Variants in COPG2 observed in about 807,000 individuals in gnomAD.
COPG2 encodes coat protein complex I subunit gamma 2, also known as coatomer subunit gamma-2.
A neutral mutation model predicts 46.3 loss-of-function variants in COPG2; 37 were observed. The observed-to-expected ratio is 0.80, with a 90% CI of 0.61 to 1.05. The LOEUF (loss-of-function observed/expected upper bound fraction) is 1.05, where lower values mean the gene tolerates loss of function less well. Ranked by LOEUF, COPG2 falls within the 50% of genes least tolerant of loss-of-function variation. COPG2 has a pLI of 0.00. For synonymous variants in COPG2, 159 were observed against 129.7 expected (o/e 1.23, Z -1.53); for missense variants, 427 against 387.8 (o/e 1.10, Z -0.85).
chr7:130,572,662 T>C (rs987333433), intron 9 of COPG2, among the ~76,000 whole-genome samples: 2 of 151,960 alleles, frequency 1.3e-5, no homozygotes, highest in Non-Finnish European at 2.9e-5. Context: ...ATATTTGAAG[T>C]TGAATGAAAA....
intron 5 of COPG2, among the ~76,000 whole-genome samples, chr7:130,643,181 G>A (rs1554457598): frequency 6.6e-6 from 1 of 151,514 alleles, no homozygotes; most frequent in African/African-American, 2.4e-5. Context: ...TGTAGTCCCA[G>A]CTACTCGGGA....
Position 130,559,353 on chromosome 7 carries a change from C to T in COPG2, c.1128+1680G>A, listed in dbSNP as rs1257090029. Among the ~76,000 whole-genome samples the T allele has an allele frequency of 1.1e-4, 16 of 152,210 alleles. No individual in the cohort carries two copies. The South Asian group carries it at 2.9e-3, about 28-fold the overall frequency. On this transcript the variant is annotated intron_variant, in intron 12 of 23. Coordinates refer to ENST00000425248, the MANE Select transcript of COPG2 (RefSeq NM_012133.6). ...CCACACCACCCCAGCTGCCAGGGGC[C>T]GGAGAACCCACTCACACACTGAGCT...
chr7:130,664,279 A>G (rs998270402), intron 3 of COPG2, among the ~76,000 whole-genome samples: 1 of 152,232 alleles, frequency 6.6e-6, no homozygotes. Context: ...TCTATTTGCC[A>G]TAGGTATAAG....
At position 130,520,478 on chromosome 7, in the gene COPG2, C is replaced by T. The variant is rs997231620; in HGVS notation, c.2150-11819G>A. On this transcript the variant is annotated intron_variant, in intron 20 of 23. Coordinates refer to ENST00000425248, the MANE Select transcript of COPG2 (RefSeq NM_012133.6). ...TATCACCAGCTATCTGCTCATACAG[C>T]CTAAATACTTGTTAATATGAAAAGA... Among the ~76,000 whole-genome samples, 8 of 152,262 alleles carry T rather than the reference C, an allele frequency of 5.3e-5. No homozygotes were observed. The East Asian group carries it at 1.3e-3, about 26-fold the overall frequency.
At chr7:130,530,226 G>A (rs1433188307) in intron 20 of COPG2, among the ~76,000 whole-genome samples, 1 of 152,136 alleles carries the variant, frequency 6.6e-6, no homozygotes, top group Non-Finnish European at 1.5e-5. Context: ...GGCTTGATGG[G>A]GAGCAGATGG....
At chr7:130,573,589 T>C (rs1554445796) in intron 9 of COPG2, among the ~76,000 whole-genome samples, 5 of 152,064 alleles carry the variant, frequency 3.3e-5, no homozygotes, top group African/African-American at 1.2e-4. Flanking sequence ...AAAAACCACA[T>C]AATCATCTTC....
chr7:130,512,208 C>A (rs1229737057), intron 20 of COPG2, among the ~76,000 whole-genome samples: 1 of 151,438 alleles, frequency 6.6e-6, no homozygotes, highest in African/African-American at 2.4e-5. Context: ...GTTAACTCTC[C>A]TTGTTAATAC....
chr7:130,627,671 AGTT>A (rs1255477772), intron 5 of COPG2, among the ~76,000 whole-genome samples: 147 of 149,228 alleles, frequency 9.9e-4, no homozygotes, highest in African/African-American at 3.2e-3. Context: ...TAATCTTTCT[AGTT>A]GTTGTTCCTG....
At chr7:130,632,417 A>T (rs1554455336) in intron 5 of COPG2, among the ~76,000 whole-genome samples, 1 of 152,162 alleles carries the variant, frequency 6.6e-6, no homozygotes, top group East Asian at 1.9e-4. Context: ...TAAGTGACTG[A>T]GAGCAGAGTC....
chr7:130,577,849 G>A (rs1157100833), intron 9 of COPG2, among the ~76,000 whole-genome samples: 3 of 148,562 alleles, frequency 2.0e-5, no homozygotes, highest in South Asian at 2.1e-4. Flanking sequence ...AGGGTCCTAC[G>A]CCCACGGAAT....
At chr7:130,625,392 C>G (rs182032636) in intron 5 of COPG2, among the ~76,000 whole-genome samples, 34 of 152,128 alleles carry the variant, frequency 2.2e-4, no homozygotes, top group African/African-American at 7.7e-4. Context: ...AACTTGGTTT[C>G]TCTTGCCTAA....
chr7:130,513,083 T>TGATACCAGCCTC (rs2116334558), intron 20 of COPG2, among the ~76,000 whole-genome samples: 1 of 151,462 alleles, frequency 6.6e-6, no homozygotes, highest in Admixed American at 6.6e-5. Flanking sequence ...GTCAGGAGTT[T>TGATACCAGCCTC]GATACCAGCC....
At position 130,561,086 on chromosome 7, in the gene COPG2, G is replaced by A. The variant is rs1041867404; in HGVS notation, c.1075C>T (p.Arg359Trp). The A allele has an allele frequency of 2.0e-5, 8 of 398,392 alleles. No homozygotes were observed. The highest frequency in any genetic ancestry group is 3.6e-5 in the East Asian group (1 of 28,082). 24.7% of individuals were successfully genotyped at this position (398,392 alleles called of 1,614,324 possible). ...AAAGAAGATATCTGCTTCATGAGCC[G>A]GTCCACACTGCTCTCACTTCCTGTT... ...LKTGSESSVD[R>W]LMKQISSFVS... The change falls in exon 12 of 24, where the codon CGG becomes TGG. Residue 359 changes from arginine (R) to tryptophan (W), a missense_variant. By Grantham distance (101) the Arg-to-Trp change is moderately radical. Coordinates refer to ENST00000425248, the MANE Select transcript of COPG2 (RefSeq NM_012133.6).
chr7:130,621,436 C>T (rs375799976), intron 5 of COPG2, among the ~76,000 whole-genome samples: 159 of 152,334 alleles, frequency 1.0e-3, no homozygotes, highest in African/African-American at 3.6e-3. Flanking sequence ...GATCTCCTCA[C>T]AACTACTCAA....
rs1367553746 is a variant in COPG2 at position 130,634,987 on chromosome 7, G to A, written c.323+17882C>T. The stretch of plus-strand genomic sequence containing the variant: ...GATAATCATGTGGTTTTTGTCATTG[G>A]CTCTGTTTATGTGATGGATTACATT... On this transcript the variant is annotated intron_variant, in intron 5 of 23. Transcript: ENST00000425248. 4.0e-5 allele frequency among the ~76,000 whole-genome samples: 6 copies of A among 150,846 alleles called. No individual in the cohort carries two copies. In the South Asian group the frequency reaches 6.4e-4, roughly 16 times the overall value.
At chr7:130,651,706 C>A (rs377321813) in intron 5 of COPG2, among the ~76,000 whole-genome samples, 90 of 150,756 alleles carry the variant, frequency 6.0e-4, no homozygotes, top group Non-Finnish European at 5.9e-4. Context: ...TTAGTAGAGA[C>A]GGGGTTTCAC....
intron 9 of COPG2, chr7:130,605,925 T>C: frequency 2.6e-6 from 1 of 379,408 alleles, no homozygotes; most frequent in South Asian, 2.1e-5. Context: ...TACCTGTAAG[T>C]GAAGTGTTAC....
chr7:130,617,967 G>A (rs183631233), intron 5 of COPG2, among the ~76,000 whole-genome samples: 2 of 151,766 alleles, frequency 1.3e-5, no homozygotes, highest in African/African-American at 2.4e-5. Flanking sequence ...CTGGTGTTGT[G>A]GGGTGTGCCT....
chr7:130,549,856 C>T (rs1372444024), intron 17 of COPG2, among the ~76,000 whole-genome samples: 2 of 151,902 alleles, frequency 1.3e-5, no homozygotes, highest in Non-Finnish European at 2.9e-5. Flanking sequence ...GATTGTCGCC[C>T]ATAAATTCTT....
Sources: gnomAD v4.1 joint callset for allele counts (sites outside exome capture counted in the v4.1 genomes callset) on GRCh38, gnomAD v4.1.1 for gene constraint, MANE v1.5 for transcripts, NCBI Gene and HGNC (gene_info 2026-07-23, HGNC 2026-07-21) for gene names.